The following EPB41L3 variants were observed in gnomAD, a reference collection of about 807,000 sequenced individuals.
EPB41L3 encodes band 4.1-like protein 3.
Under a neutral mutation model 127.1 loss-of-function variants are expected in EPB41L3, and 57 were observed. The observed-to-expected ratio is 0.45, with a 90% CI of 0.36 to 0.56. EPB41L3 has a LOEUF of 0.56. EPB41L3 is among the 20% of genes least tolerant of loss of function. EPB41L3 has a pLI of 0.00. For synonymous variants in EPB41L3, 572 were observed against 549.5 expected, an observed-to-expected ratio of 1.04 and a Z score of -0.57; for missense variants, 1,273 against 1,372.2, an observed-to-expected ratio of 0.93 and a Z score of 1.14.
intron 8 of EPB41L3, chr18:5,431,146 A>G (rs2078958427): frequency 6.6e-6 from 1 of 152,222 alleles, no homozygotes; most frequent in Non-Finnish European, 1.5e-5. Flanking sequence ...ACATTAAGTG[A>G]CAAACAAGCA....
chr18:5,587,411 G>T (rs1007808914), intron 3 of EPB41L3, among the ~76,000 whole-genome samples: 4 of 152,068 alleles, frequency 2.6e-5, no homozygotes, highest in Non-Finnish European at 4.4e-5. Flanking sequence ...TAATTGTTCT[G>T]ATTATTAGTT....
At chr18:5,482,492 A>G (rs2088774911) in intron 2 of EPB41L3, among the ~76,000 whole-genome samples, 2 of 152,212 alleles carry the variant, frequency 1.3e-5, no homozygotes, top group Admixed American at 1.3e-4. Flanking sequence ...AGATATAAAT[A>G]TTCAAGTACA....
At chr18:5,413,130 C>T (rs565143508) in intron 13 of EPB41L3, among the ~76,000 whole-genome samples, 1 of 152,202 alleles carries the variant, frequency 6.6e-6, no homozygotes, top group Non-Finnish European at 1.5e-5. Flanking sequence ...CATAAACTAT[C>T]ATATAATACT....
chr18:5,399,729 T>C (rs1395022736), intron 16 of EPB41L3: 1 of 173,498 alleles, frequency 5.8e-6, no homozygotes, highest in Non-Finnish European at 1.2e-5. Context: ...CTCTATAAGT[T>C]ACTTAGCTTT....
At chr18:5,525,102 A>C (rs1046980993) in intron 1 of EPB41L3, among the ~76,000 whole-genome samples, 1 of 152,190 alleles carries the variant, frequency 6.6e-6, no homozygotes, top group Non-Finnish European at 1.5e-5. Context: ...CTAAAACGAC[A>C]GGCAAAAGTG....
chr18:5,599,449 G>T (rs1377580857), intron 3 of EPB41L3, among the ~76,000 whole-genome samples: 2 of 152,114 alleles, frequency 1.3e-5, no homozygotes, highest in African/African-American at 4.8e-5. Flanking sequence ...TCCCTGATAT[G>T]GTTTAGATCT....
Position 5,407,211 on chromosome 18 carries a change from A to T in EPB41L3, c.2158-243T>A, listed in dbSNP as rs1185821094. Reference sequence around the variant, plus strand: ...ATACCAAAAGAATTTTAGAAGGCAAACTATAAAGAGTACAATTCACATGTA... The same window carrying T: ...ATACCAAAAGAATTTTAGAAGGCAATCTATAAAGAGTACAATTCACATGTA... On this transcript the variant is annotated intron_variant, in intron 15 of 22. Transcript: ENST00000341928. The T allele has an allele frequency of 5.6e-6, 3 of 535,262 alleles. No homozygotes were observed. In the African/African-American group the frequency reaches 5.7e-5, roughly 10 times the overall value. The allele number at this position is 535,262 out of a possible 1,614,324, so 33.2% of individuals were successfully genotyped here.
intron 3 of EPB41L3, chr18:5,567,534 G>C (rs2094222397): frequency 6.6e-6 from 1 of 151,936 alleles, no homozygotes; most frequent in African/African-American, 2.4e-5. Flanking sequence ...TTGTAGGTTT[G>C]TACCTCGAGT....
chr18:5,461,102 G>A (rs1229377538), intron 3 of EPB41L3, among the ~76,000 whole-genome samples: 1 of 152,064 alleles, frequency 6.6e-6, no homozygotes, highest in Non-Finnish European at 1.5e-5. Context: ...GTGACGTCTG[G>A]GCAGTATTTT....
At chr18:5,402,284 C>CTTTTTTTTTTTTTTT (rs796566366) in intron 16 of EPB41L3, among the ~76,000 whole-genome samples, 2 of 145,588 alleles carry the variant, frequency 1.4e-5, no homozygotes, top group South Asian at 4.4e-4. Context: ...GTTTCTTTTC[C>CTTTTTTTTTTTTTTT]TTTTTTTTTT....
chr18:5,629,799 G>A (rs1451809319), upstream of EPB41L3, among the ~76,000 whole-genome samples: 4 of 152,286 alleles, frequency 2.6e-5, no homozygotes, highest in African/African-American at 9.6e-5. Context: ...GCCGGGACCG[G>A]GGAGCCAGAC....
intron 3 of EPB41L3, among the ~76,000 whole-genome samples, chr18:5,561,115 C>T (rs1403960706): frequency 2.7e-5 from 4 of 148,834 alleles, no homozygotes; most frequent in Non-Finnish European, 4.5e-5. Context: ...GTAGCTGGGA[C>T]TACAGGCGCC....
At chr18:5,553,695 C>T (rs2093995804) in intron 3 of EPB41L3, among the ~76,000 whole-genome samples, 1 of 152,210 alleles carries the variant, frequency 6.6e-6, no homozygotes, top group East Asian at 1.9e-4. Context: ...CTTCTCACTG[C>T]ACCTGCCTCT....
At chr18:5,585,993 C>T (rs1034460742) in intron 3 of EPB41L3, among the ~76,000 whole-genome samples, 1 of 152,186 alleles carries the variant, frequency 6.6e-6, no homozygotes, top group African/African-American at 2.4e-5. Context: ...CTCCCCTTAC[C>T]ATTTCAGCCC....
intron 12 of EPB41L3, among the ~76,000 whole-genome samples, chr18:5,417,655 A>C (rs2076990279): frequency 6.6e-6 from 1 of 152,196 alleles, no homozygotes; most frequent in Admixed American, 6.5e-5. Flanking sequence ...TAGCGACAGA[A>C]AGAAAATGCA....
At chr18:5,474,582 A>G (rs1475898414) in intron 3 of EPB41L3, among the ~76,000 whole-genome samples, 1 of 152,192 alleles carries the variant, frequency 6.6e-6, no homozygotes, top group Non-Finnish European at 1.5e-5. Context: ...TGATGAAGGC[A>G]TTCAATATGC....
At chr18:5,414,493 A>C (rs1030460339) in intron 13 of EPB41L3, among the ~76,000 whole-genome samples, 1 of 152,180 alleles carries the variant, frequency 6.6e-6, no homozygotes, top group Non-Finnish European at 1.5e-5. Flanking sequence ...TCAACATATA[A>C]TACTATATAC....
At chr18:5,571,502 A>G (rs950888433) in intron 3 of EPB41L3, among the ~76,000 whole-genome samples, 1 of 152,242 alleles carries the variant, frequency 6.6e-6, no homozygotes. Flanking sequence ...GGGATAGCAC[A>G]ATAGGCTTTC....
chr18:5,455,263 C>A (rs2082861670), intron 3 of EPB41L3, among the ~76,000 whole-genome samples: 1 of 151,544 alleles, frequency 6.6e-6, no homozygotes, highest in Non-Finnish European at 1.5e-5. Flanking sequence ...ACAATGAAAT[C>A]ATAGAAAACA....
Sources: gnomAD v4.1 joint callset for allele counts (sites outside exome capture counted in the v4.1 genomes callset) on GRCh38, gnomAD v4.1.1 for gene constraint, MANE v1.5 for transcripts, NCBI Gene and HGNC (gene_info 2026-07-23, HGNC 2026-07-21) for gene names.